CACNG2: variants seen among roughly 807,000 people sequenced by gnomAD.
CACNG2 encodes calcium voltage-gated channel auxiliary subunit gamma 2, also known as voltage-dependent calcium channel gamma-2 subunit.
CACNG2 carries 3 observed loss-of-function variants against 25.9 expected under a neutral mutation model. The observed-to-expected ratio is 0.12, with a 90% CI of 0.05 to 0.30. CACNG2 has a LOEUF of 0.30. Among genes scored for constraint, CACNG2 ranks in the 10% least tolerant of loss-of-function variants. The pLI is 1.00. For missense variants in CACNG2, 341 were observed against 432.5 expected (o/e 0.79, Z 1.88); for synonymous variants, 167 against 173.3 (o/e 0.96, Z 0.29).
chr22:36,646,384 C>A (rs970023631), intron 1 of CACNG2, among the ~76,000 whole-genome samples: 2 of 152,108 alleles, frequency 1.3e-5, no homozygotes, highest in African/African-American at 2.4e-5. Flanking sequence ...ACCTTGTCTG[C>A]GAGCTGTTCA....
At chr22:36,663,878 A>G (rs936472471) in intron 1 of CACNG2, among the ~76,000 whole-genome samples, 1 of 152,176 alleles carries the variant, frequency 6.6e-6, no homozygotes, top group African/African-American at 2.4e-5. Context: ...TTTCTAACCA[A>G]GGGCACCGAT....
chr22:36,567,882 C>T (rs368666877), intron 2 of CACNG2, among the ~76,000 whole-genome samples: 6 of 152,114 alleles, frequency 3.9e-5, no homozygotes, highest in East Asian at 1.9e-4. Flanking sequence ...CGGAGTCTTC[C>T]CCTGTCACCC....
chr22:36,611,123 A>G (rs946736738), intron 1 of CACNG2, among the ~76,000 whole-genome samples: 7 of 152,184 alleles, frequency 4.6e-5, no homozygotes, highest in Admixed American at 3.9e-4. Context: ...AAGCCCTTCA[A>G]TTAGGAGCTA....
At chr22:36,565,594 T>C (rs1935111882) in intron 3 of CACNG2, among the ~76,000 whole-genome samples, 1 of 152,128 alleles carries the variant, frequency 6.6e-6, no homozygotes, top group African/African-American at 2.4e-5. Context: ...TCCTCCCACC[T>C]TAGCCTCTCT....
In CACNG2 at chr22:36,576,718, G is replaced by A. The variant is rs979344572; in HGVS notation, c.296-10225C>T. 2.0e-5 allele frequency among the ~76,000 whole-genome samples: 3 copies of A among 152,090 alleles called. No individual in the cohort carries two copies. The East Asian group carries it at 5.8e-4, about 29-fold the overall frequency. ...ATGGTTTGGAGCATGGGTTCCAGATGCAGCCCGCTTGGGGTCTCCTCCTGG... is the reference window on the plus strand; with the variant it reads ...ATGGTTTGGAGCATGGGTTCCAGATACAGCCCGCTTGGGGTCTCCTCCTGG... On this transcript the variant is annotated intron_variant, in intron 2 of 3. Coordinates refer to ENST00000300105, the MANE Select transcript of CACNG2 (RefSeq NM_006078.5).
intron 2 of CACNG2, among the ~76,000 whole-genome samples, chr22:36,566,721 C>T (rs147176505): frequency 8.3e-4 from 126 of 152,320 alleles, no homozygotes; most frequent in African/African-American, 2.8e-3. Context: ...TCCAGCACAC[C>T]GTCAGGCACA....
At chr22:36,623,012 G>GTTTTTT (rs1260485985) in intron 1 of CACNG2, among the ~76,000 whole-genome samples, 6 of 45,746 alleles carry the variant, frequency 1.3e-4, no homozygotes, top group South Asian at 9.5e-4. Context: ...CAAAACATGG[G>GTTTTTT]TTTTTTTTTT....
At chr22:36,653,839 T>C (rs999787924) in intron 1 of CACNG2, among the ~76,000 whole-genome samples, 3 of 152,066 alleles carry the variant, frequency 2.0e-5, no homozygotes, top group African/African-American at 7.3e-5. Context: ...TTGGAGGTTC[T>C]TGATGGTGTA....
rs1227826732 is a variant in CACNG2 at position 36,606,018 on chromosome 22, A to G, written c.212-18470T>C. 3.3e-5 allele frequency among the ~76,000 whole-genome samples: 5 copies of G among 152,220 alleles called. No homozygotes were observed. Among genetic ancestry groups the G allele is most frequent in the African/African-American group, 1.2e-4 (5 of 41,458 alleles). On this transcript the variant is annotated intron_variant, in intron 1 of 3. Coordinates refer to ENST00000300105, the MANE Select transcript of CACNG2 (RefSeq NM_006078.5). This position sits in a 1 kb window ranked among gnomAD's most constrained non-coding sequence, Gnocchi z 5.7. The stretch of plus-strand genomic sequence containing the variant: ...GTGTGGTGGCTGTGCCTCTCGCAGG[A>G]GAGCGTGGGTCTGAGTTCTCTTTCT...
chr22:36,564,592 GTGGAGCGCGAGC>G lies in CACNG2; in HGVS notation c.719_730del (p.Ser240_Ser243del), dbSNP rs1212216864. 1.9e-6 allele frequency: 3 copies of G among 1,614,022 alleles called. No individual in the cohort carries two copies. Among genetic ancestry groups the G allele is most frequent in the Non-Finnish European group, 1.7e-6 (2 of 1,179,966 alleles). On this transcript the variant is annotated inframe_deletion, in exon 4 of 4. Coordinates refer to ENST00000300105, the MANE Select transcript of CACNG2 (RefSeq NM_006078.5). This position sits in a 1 kb window ranked among gnomAD's most constrained non-coding sequence, Gnocchi z 6.7. Reference sequence around the variant, plus strand: ...GGCGTCCCTGGAGTGTGAGGGCTCCGTGGAGCGCGAGCTGGAGCGGCTGCGGCGCTGGTAGCG... The same window carrying G: ...GGCGTCCCTGGAGTGTGAGGGCTCCGTGGAGCGGCTGCGGCGCTGGTAGCG...
intron 1 of CACNG2, among the ~76,000 whole-genome samples, chr22:36,642,260 AC>A (rs1383678703): frequency 6.6e-6 from 1 of 152,180 alleles, no homozygotes; most frequent in Admixed American, 6.5e-5. Context: ...CATAGTAAGC[AC>A]TCAATAAATG....
At chr22:36,626,171 G>A (rs1326408862) in intron 1 of CACNG2, among the ~76,000 whole-genome samples, 2 of 152,108 alleles carry the variant, frequency 1.3e-5, no homozygotes, top group Non-Finnish European at 1.5e-5. Flanking sequence ...CCACGCGCCT[G>A]GGCCTCCCAA....
chr22:36,568,091 G>T (rs933241916), intron 2 of CACNG2, among the ~76,000 whole-genome samples: 3 of 152,058 alleles, frequency 2.0e-5, no homozygotes, highest in Non-Finnish European at 4.4e-5. Context: ...CTCATGATCT[G>T]CCCACCTTGG....
chr22:36,676,932 T>TTGTGTGTGTGTGTGTGTGTG lies in CACNG2; in HGVS notation c.211+25414_211+25433dup, dbSNP rs138729815. Among the ~76,000 whole-genome samples, 775 of 141,728 alleles carry TTGTGTGTGTGTGTGTGTGTG rather than the reference T, an allele frequency of 5.5e-3. 6 individuals carry two copies. The highest frequency in any genetic ancestry group is 0.011 in the Middle Eastern group (3 of 280). 93.0% of individuals were successfully genotyped at this position (141,728 alleles called of 152,430 possible). On this transcript the variant is annotated intron_variant, in intron 1 of 3. Coordinates refer to ENST00000300105, the MANE Select transcript of CACNG2 (RefSeq NM_006078.5). The stretch of plus-strand genomic sequence containing the variant: ...GCCTCTCTTTCTGCTTCTTCTAATA[T>TTGTGTGTGTGTGTGTGTGTG]TGTGTGTGTGTGTGTGTGTGTGTGT...
At chr22:36,659,130 G>A (rs1375049721) in intron 1 of CACNG2, among the ~76,000 whole-genome samples, 1 of 152,184 alleles carries the variant, frequency 6.6e-6, no homozygotes, top group African/African-American at 2.4e-5. Flanking sequence ...AATACCAACT[G>A]CTTCCCGCTA....
chr22:36,641,630 C>A (rs1936443820), intron 1 of CACNG2, among the ~76,000 whole-genome samples: 2 of 152,188 alleles, frequency 1.3e-5, no homozygotes, highest in Admixed American at 1.3e-4. Context: ...TGTCTCTGGC[C>A]AGCTCTGTTT....
intron 1 of CACNG2, among the ~76,000 whole-genome samples, chr22:36,615,398 C>G (rs2082889580): frequency 6.6e-6 from 1 of 152,224 alleles, no homozygotes; most frequent in African/African-American, 2.4e-5. Context: ...TTTCCACAAT[C>G]TGACTGCTCA....
chr22:36,646,242 G>A (rs574521337), intron 1 of CACNG2, among the ~76,000 whole-genome samples: 5 of 152,060 alleles, frequency 3.3e-5, no homozygotes, highest in Non-Finnish European at 5.9e-5. Context: ...CATTAGCCGA[G>A]GAAACTTACC....
chr22:36,679,791 A>G (rs1478807288), intron 1 of CACNG2, among the ~76,000 whole-genome samples: 9 of 152,178 alleles, frequency 5.9e-5, no homozygotes, highest in Non-Finnish European at 1.3e-4. Context: ...GGTTAGAAAT[A>G]GTTGTTGTTT....
Sources: allele counts gnomAD v4.1 joint callset (sites outside exome capture counted in the v4.1 genomes callset), GRCh38; gene constraint gnomAD v4.1.1; non-coding constraint Gnocchi (gnomAD v3.1); transcripts MANE v1.5; gene names NCBI Gene and HGNC (gene_info 2026-07-23, HGNC 2026-07-21).